CTNNA2: variants seen among roughly 807,000 people sequenced by gnomAD.
CTNNA2 encodes the protein catenin alpha 2, also known as catenin alpha-2.
Under a neutral mutation model 101.0 loss-of-function variants are expected in CTNNA2, and 42 were observed. The observed-to-expected ratio is 0.42, with a 90% confidence interval of 0.32 to 0.54. CTNNA2 has a LOEUF of 0.54. CTNNA2 is among the 20% of genes least tolerant of loss of function. CTNNA2 has a pLI of 0.14. For synonymous variants in CTNNA2, 450 were observed against 456.4 expected, an observed-to-expected ratio of 0.99 and a Z score of 0.18; for missense variants, 871 against 1,223.1, an observed-to-expected ratio of 0.71 and a Z score of 4.29.
intron 13 of CTNNA2, among the ~76,000 whole-genome samples, chr2:80,574,818 C>A (rs1308415342): frequency 6.6e-6 from 1 of 152,142 alleles, no homozygotes; most frequent in Admixed American, 6.5e-5. Flanking sequence ...CCTCTTATTA[C>A]CCACTCCACT....
At chr2:79,783,567 G>A (rs1674614403) in intron 3 of CTNNA2, among the ~76,000 whole-genome samples, 1 of 152,024 alleles carries the variant, frequency 6.6e-6, no homozygotes, top group African/African-American at 2.4e-5. Context: ...ATCTTCAGTG[G>A]GAAGAGTGGC....
intron 7 of CTNNA2, among the ~76,000 whole-genome samples, chr2:80,326,319 C>A (rs1474568774): frequency 6.6e-6 from 1 of 152,166 alleles, no homozygotes; most frequent in Admixed American, 6.5e-5. Flanking sequence ...GTACACAGTA[C>A]ATGGAGATTT....
At chr2:80,316,854 A>C (rs1034930146) in intron 7 of CTNNA2, among the ~76,000 whole-genome samples, 3 of 152,208 alleles carry the variant, frequency 2.0e-5, no homozygotes, top group Non-Finnish European at 4.4e-5. Flanking sequence ...GTGGGGAACA[A>C]AACTGAGCAA....
intron 1 of CTNNA2, among the ~76,000 whole-genome samples, chr2:79,571,578 T>A (rs1256968828): frequency 2.0e-5 from 3 of 152,122 alleles, no homozygotes; most frequent in Non-Finnish European, 4.4e-5. Flanking sequence ...TTCTTCTCCA[T>A]TTTTTTCCCC....
At chr2:79,540,130 T>G (rs1345825409) in intron 1 of CTNNA2, among the ~76,000 whole-genome samples, 1 of 152,126 alleles carries the variant, frequency 6.6e-6, no homozygotes, top group Non-Finnish European at 1.5e-5. Context: ...AAAGAATAAT[T>G]AAACTTATAT....
At chr2:79,668,825 G>C (rs191150713) in intron 2 of CTNNA2, among the ~76,000 whole-genome samples, 218 of 152,296 alleles carry the variant, frequency 1.4e-3, no homozygotes, top group African/African-American at 4.9e-3. Context: ...TTGCTATGCT[G>C]TTCTCAATTT....
Position 80,530,179 on chromosome 2 carries a change from A to G in CTNNA2, c.1291-14803A>G, listed in dbSNP as rs189022178. 1.4e-3 allele frequency among the ~76,000 whole-genome samples: 207 copies of G among 152,278 alleles called. 1 individual carries two copies. Among genetic ancestry groups the G allele is most frequent in the African/African-American group, 4.3e-3 (180 of 41,566 alleles). On this transcript the variant is annotated intron_variant, in intron 9 of 18. Transcript: ENST00000402739. ...GAAAAAAAGGGACTCCATGTGGCAG[A>G]GCCCTTTCTGAGAGGGCGTGAAATA... is the stretch of plus-strand genomic sequence containing the variant.
intron 2 of CTNNA2, among the ~76,000 whole-genome samples, chr2:79,683,377 C>CT (rs1225730617): frequency 6.6e-6 from 1 of 152,168 alleles, no homozygotes; most frequent in Non-Finnish European, 1.5e-5. Context: ...ATACACAGTA[C>CT]TTTTTTTCTG....
rs767794610 is a variant in CTNNA2, at chr2:80,302,281, G to C, written c.1057-90930G>C. 4 of 1,613,976 alleles carry C rather than the reference G, an allele frequency of 2.5e-6. No individual in the cohort carries two copies. The East Asian group carries it at 8.9e-5, about 36-fold the overall frequency. ...CCTCGCATTCCCTCGCGGGCTGCTG[G>C]TGGCAGGTACACGAGCCATACTCGT... On this transcript the variant is annotated intron_variant, in intron 7 of 18. Coordinates refer to ENST00000402739, the MANE Select transcript of CTNNA2 (RefSeq NM_001282597.3). The surrounding 1 kb of genome is among the most constrained non-coding windows in gnomAD (Gnocchi z 6.4).
At position 80,343,310 on chromosome 2, in the gene CTNNA2, C is replaced by G. The variant is rs115265495; in HGVS notation, c.1057-49901C>G. 2.5e-3 allele frequency among the ~76,000 whole-genome samples: 379 copies of G among 150,924 alleles called. 2 individuals carry two copies. The highest frequency in any genetic ancestry group is 8.9e-3 in the African/African-American group (367 of 41,134). On this transcript the variant is annotated intron_variant, in intron 7 of 18. Transcript: ENST00000402739. ...ATCAGAGGAATCCATTGTAATGAGG[C>G]AAGAATAGATGTTCTCTTAAGATCA...
chr2:79,746,191 A>G (rs1413032067), intron 3 of CTNNA2, among the ~76,000 whole-genome samples: 1 of 152,174 alleles, frequency 6.6e-6, no homozygotes, highest in Non-Finnish European at 1.5e-5. Context: ...CTTCCTAGGC[A>G]TTTGACTATT....
intron 9 of CTNNA2, among the ~76,000 whole-genome samples, chr2:80,466,815 T>C (rs1167796584): frequency 6.6e-6 from 1 of 152,142 alleles, no homozygotes; most frequent in Non-Finnish European, 1.5e-5. Flanking sequence ...AAATTTGGGG[T>C]TCCCCAAGGA....
At chr2:79,848,618 G>A (rs1680428100) in intron 3 of CTNNA2, among the ~76,000 whole-genome samples, 1 of 152,126 alleles carries the variant, frequency 6.6e-6, no homozygotes, top group Admixed American at 6.5e-5. Flanking sequence ...TCTGCAAGGT[G>A]GCGCATTACT....
intron 1 of CTNNA2, among the ~76,000 whole-genome samples, chr2:79,528,279 C>T (rs916496653): frequency 1.3e-5 from 2 of 151,910 alleles, no homozygotes. Flanking sequence ...GTGGTGCAAC[C>T]ATAGCTTACT....
intron 4 of CTNNA2, among the ~76,000 whole-genome samples, chr2:79,502,125 A>G (rs1042101286): frequency 6.6e-6 from 1 of 152,122 alleles, no homozygotes; most frequent in Non-Finnish European, 1.5e-5. Context: ...GGGCACAAGT[A>G]TACAATCTTA....
At chr2:79,478,656 C>T (rs1671077419) in intron 4 of CTNNA2, among the ~76,000 whole-genome samples, 1 of 152,114 alleles carries the variant, frequency 6.6e-6, no homozygotes, top group Non-Finnish European at 1.5e-5. Context: ...TATGGTGGGT[C>T]TTAGGAGATA....
chr2:80,163,592 G>A lies in CTNNA2; in HGVS notation c.1057-229619G>A, dbSNP rs112896586. On this transcript the variant is annotated intron_variant, in intron 7 of 18. Transcript: ENST00000402739. ...ATCTGTATTCTGCTATTGCTGGGTG[G>A]AATGTTCTACAAGTGTTGGCTATAT... Among the ~76,000 whole-genome samples, 458 of 152,136 alleles carry A rather than the reference G, an allele frequency of 3.0e-3. 1 individual carries two copies. Among genetic ancestry groups the A allele is most frequent in the African/African-American group, 0.011 (445 of 41,504 alleles).
intron 17 of CTNNA2, among the ~76,000 whole-genome samples, chr2:80,617,956 A>G (rs1698991675): frequency 6.6e-6 from 1 of 151,716 alleles, no homozygotes; most frequent in African/African-American, 2.4e-5. Context: ...GTGGAAAGAG[A>G]TGGTTTCACT....
At chr2:79,894,041 CTT>C (rs1558619525) in intron 6 of CTNNA2, among the ~76,000 whole-genome samples, 3,905 of 146,156 alleles carry the variant, frequency 0.027, 100 homozygotes, top group Non-Finnish European at 0.04. Flanking sequence ...TCTTCTTCTT[CTT>C]CTTCTTCTTC....
Sources: gnomAD v4.1 joint callset for allele counts (sites outside exome capture counted in the v4.1 genomes callset) on GRCh38, gnomAD v4.1.1 for gene constraint, Gnocchi (gnomAD v3.1) non-coding constraint, MANE v1.5 for transcripts, NCBI Gene and HGNC (gene_info 2026-07-23, HGNC 2026-07-21) for gene names.